Variants in SETBP1 observed in about 807,000 individuals in gnomAD.
SETBP1 encodes SET binding protein 1, also known as SET-binding protein.
In SETBP1, 9 loss-of-function variants were observed where a neutral mutation model predicts 101.0. The ratio of observed to expected loss-of-function variants is 0.09; its 90% CI spans 0.05 to 0.16. The LOEUF (loss-of-function observed/expected upper bound fraction) is 0.16. SETBP1 is among the 10% of genes least tolerant of loss of function. SETBP1 has a pLI of 1.00. For synonymous variants in SETBP1, 818 were observed against 788.5 expected (o/e 1.04, Z -0.63); for missense variants, 1,858 against 2,033.8 (o/e 0.91, Z 1.66).
chr18:44,986,682 C>T (rs1028606983), intron 4 of SETBP1: 1 of 150,898 alleles, frequency 6.6e-6, no homozygotes, highest in East Asian at 1.9e-4. Flanking sequence ...ATACATTCAC[C>T]TAGGCCTACA....
intron 5 of SETBP1, among the ~76,000 whole-genome samples, chr18:45,049,462 A>T (rs2073685550): frequency 6.6e-6 from 1 of 152,224 alleles, no homozygotes; most frequent in African/African-American, 2.4e-5. Flanking sequence ...TATAAATTTT[A>T]AAAAATTAGC....
intron 3 of SETBP1, among the ~76,000 whole-genome samples, chr18:44,917,519 G>A (rs921734380): frequency 1.3e-5 from 2 of 152,130 alleles, no homozygotes; most frequent in Non-Finnish European, 2.9e-5. Flanking sequence ...CTAAATGCCC[G>A]ACTTTGTGGT....
intron 1 of SETBP1, among the ~76,000 whole-genome samples, chr18:44,688,557 A>G (rs2068875474): frequency 6.6e-6 from 1 of 151,730 alleles, no homozygotes; most frequent in African/African-American, 2.4e-5. Flanking sequence ...GGTTCAAGCA[A>G]TTCTCCTGCC....
At chr18:45,003,657 T>A (rs183010161) in intron 4 of SETBP1, among the ~76,000 whole-genome samples, 28 of 150,624 alleles carry the variant, frequency 1.9e-4, no homozygotes, top group Admixed American at 9.9e-4. Context: ...TCTTTCCACA[T>A]TAGATGCTGG....
chr18:44,938,400 A>T (rs1315779341), intron 3 of SETBP1, among the ~76,000 whole-genome samples: 1 of 152,264 alleles, frequency 6.6e-6, no homozygotes, highest in Non-Finnish European at 1.5e-5. Flanking sequence ...ACAATCAATG[A>T]TGTACCTTTT....
intron 4 of SETBP1, among the ~76,000 whole-genome samples, chr18:45,025,761 T>C (rs1378397783): frequency 2.0e-5 from 3 of 152,226 alleles, no homozygotes; most frequent in African/African-American, 7.2e-5. Flanking sequence ...ATACAGTGGG[T>C]GATCTTTTGC....
intron 2 of SETBP1, among the ~76,000 whole-genome samples, chr18:44,733,641 A>T (rs1166888146): frequency 1.3e-5 from 2 of 152,158 alleles, no homozygotes; most frequent in Non-Finnish European, 1.5e-5. Context: ...CTGATTTTAC[A>T]TCCTTCTCTT....
intron 3 of SETBP1, among the ~76,000 whole-genome samples, chr18:44,923,833 C>T (rs2070635893): frequency 6.6e-6 from 1 of 152,130 alleles, no homozygotes; most frequent in Non-Finnish European, 1.5e-5. Context: ...CATAATATTC[C>T]TCCTGACAGT....
chr18:44,829,544 A>G (rs1359579553), intron 2 of SETBP1, among the ~76,000 whole-genome samples: 1 of 152,218 alleles, frequency 6.6e-6, no homozygotes, highest in Non-Finnish European at 1.5e-5. Context: ...AAGGCCGACC[A>G]TGATCAGTTC....
intron 2 of SETBP1, among the ~76,000 whole-genome samples, chr18:44,849,234 G>A (rs150388012): frequency 6.6e-6 from 1 of 152,250 alleles, no homozygotes; most frequent in African/African-American, 2.4e-5. Context: ...CCTTGTCCGT[G>A]TAATGATATG....
chr18:44,883,375 T>G (rs1246117129), intron 3 of SETBP1, among the ~76,000 whole-genome samples: 1 of 152,248 alleles, frequency 6.6e-6, no homozygotes, highest in Non-Finnish European at 1.5e-5. Flanking sequence ...ACTAATATTC[T>G]TCCTCCATCT....
intron 3 of SETBP1, among the ~76,000 whole-genome samples, chr18:44,943,964 A>T (rs2071145426): frequency 6.6e-6 from 1 of 151,616 alleles, no homozygotes; most frequent in African/African-American, 2.4e-5. Flanking sequence ...CCTCCCGAGT[A>T]GCTGGGATTA....
At chr18:44,773,810 C>G (rs1357246318) in intron 2 of SETBP1, among the ~76,000 whole-genome samples, 9 of 146,506 alleles carry the variant, frequency 6.1e-5, no homozygotes, top group South Asian at 2.3e-4. Context: ...CTCTCTCTCT[C>G]TCTCTCTCTC....
intron 4 of SETBP1, among the ~76,000 whole-genome samples, chr18:45,031,494 G>A (rs148860543): frequency 5.7e-4 from 87 of 152,248 alleles, no homozygotes; most frequent in African/African-American, 2.0e-3. Context: ...AGTAAGACCA[G>A]CAGTCTCACT....
In SETBP1 at chr18:44,927,598, C is replaced by T. The variant is rs150261607; in HGVS notation, c.541-22283C>T. On this transcript the variant is annotated intron_variant, in intron 3 of 5. Coordinates refer to ENST00000649279, the MANE Select transcript of SETBP1 (RefSeq NM_015559.3). ...AAGATTGAGGCTGAGCTATTTGGCC[C>T]GAAATAACTGCAGAATCACAGCCAG... Among the ~76,000 whole-genome samples, 39 of 152,204 alleles carry T rather than the reference C, an allele frequency of 2.6e-4. No homozygotes were observed. The Middle Eastern group carries it at 0.017, about 66-fold the overall frequency.
chr18:44,974,642 C>T (rs1298249518), intron 4 of SETBP1, among the ~76,000 whole-genome samples: 1 of 152,128 alleles, frequency 6.6e-6, no homozygotes, highest in Non-Finnish European at 1.5e-5. Context: ...AGCCTGGTAA[C>T]ACAAAACCCA....
intron 3 of SETBP1, chr18:44,876,723 T>C (rs932447941): frequency 2.6e-6 from 4 of 1,545,244 alleles, no homozygotes; most frequent in African/African-American, 2.7e-5. Context: ...CTTTTCACAG[T>C]GAACCTGCAG....
intron 4 of SETBP1, among the ~76,000 whole-genome samples, chr18:44,954,533 G>T (rs936001398): frequency 5.3e-5 from 8 of 152,090 alleles, no homozygotes; most frequent in Non-Finnish European, 1.2e-4. Context: ...GGCAAGAATA[G>T]TCTATTCATG....
At chr18:44,908,849 CTTTAAATGTTTAAAATACTAA>C (rs1295989180) in intron 3 of SETBP1, among the ~76,000 whole-genome samples, 3 of 152,324 alleles carry the variant, frequency 2.0e-5, no homozygotes, top group African/African-American at 7.2e-5. Flanking sequence ...TATAACTCTG[CTTTAAATGTTTAAAATACTAA>C]TTTCAAATCC....
Sources: allele counts gnomAD v4.1 joint callset (sites outside exome capture counted in the v4.1 genomes callset), GRCh38; gene constraint gnomAD v4.1.1; transcripts MANE v1.5; gene names NCBI Gene and HGNC (gene_info 2026-07-23, HGNC 2026-07-21).